The following MACROD2 variants were observed in gnomAD, a reference collection of about 807,000 sequenced individuals.
The protein encoded by MACROD2 is mono-ADP ribosylhydrolase 2.
MACROD2 carries 36 observed loss-of-function variants against 70.4 expected under a neutral mutation model. That is an observed-to-expected ratio of 0.51 (90% confidence interval 0.39 to 0.68). The LOEUF (loss-of-function observed/expected upper bound fraction) is 0.68, where lower values mean the gene tolerates loss of function less well. MACROD2 is among the 30% of genes least tolerant of loss of function. The pLI, the probability that MACROD2 is intolerant of heterozygous loss-of-function variation, is 0.00. For missense variants in MACROD2, 496 were observed against 538.4 expected, an observed-to-expected ratio of 0.92 and a Z score of 0.78; for synonymous variants, 172 against 178.8, an observed-to-expected ratio of 0.96 and a Z score of 0.30.
rs559758333 is a variant in MACROD2, at chr20:14,382,050, A to C, written c.272-111429A>C. ...TTTGTTTTGGTACCACATATACTATAATGGGATTGATTTTTTTTTTTTTTT... is the reference window on the plus strand; with the variant it reads ...TTTGTTTTGGTACCACATATACTATCATGGGATTGATTTTTTTTTTTTTTT... On this transcript the variant is annotated intron_variant, in intron 3 of 17. Transcript: ENST00000684519. Among the ~76,000 whole-genome samples, 4 of 142,634 alleles carry C rather than the reference A, an allele frequency of 2.8e-5. No homozygotes were observed. In the East Asian group the frequency reaches 8.5e-4, roughly 30 times the overall value. 93.6% of individuals were successfully genotyped at this position (142,634 alleles called of 152,430 possible). A position where few individuals can be genotyped will look rare whatever the true frequency, so the allele number is the denominator to read the frequency against.
intron 4 of MACROD2, among the ~76,000 whole-genome samples, chr20:14,497,622 T>A (rs2084869046): frequency 6.6e-6 from 1 of 151,712 alleles, no homozygotes; most frequent in Non-Finnish European, 1.5e-5. Flanking sequence ...TTATGGGATG[T>A]GCTTCCTCCT....
At chr20:14,706,108 G>A (rs2071266574) in intron 5 of MACROD2, among the ~76,000 whole-genome samples, 1 of 152,092 alleles carries the variant, frequency 6.6e-6, no homozygotes, top group Non-Finnish European at 1.5e-5. Context: ...GAGGTCAAGA[G>A]ATCGATACCA....
chr20:14,631,879 GTGT>G (rs1304293720), intron 4 of MACROD2: 8 of 152,218 alleles, frequency 5.3e-5, no homozygotes, highest in African/African-American at 7.2e-5. Context: ...AATCTTTGCT[GTGT>G]TGTTGTAACT....
chr20:15,831,874 C>T (rs994011249), intron 8 of MACROD2, among the ~76,000 whole-genome samples: 1 of 152,068 alleles, frequency 6.6e-6, no homozygotes, highest in Non-Finnish European at 1.5e-5. Context: ...AATCCATCTT[C>T]AGGTGACCTA....
At chr20:14,733,819 G>A (rs2071625962) in intron 5 of MACROD2, among the ~76,000 whole-genome samples, 1 of 152,158 alleles carries the variant, frequency 6.6e-6, no homozygotes. Flanking sequence ...GACCTGTCAA[G>A]CTAAAATAGA....
intron 8 of MACROD2, among the ~76,000 whole-genome samples, chr20:15,603,132 T>C (rs1205292289): frequency 6.6e-6 from 1 of 152,124 alleles, no homozygotes; most frequent in East Asian, 1.9e-4. Context: ...ATATTATCTG[T>C]GGAGCTTCCT....
chr20:14,986,075 T>A (rs1297487632), intron 5 of MACROD2, among the ~76,000 whole-genome samples: 3 of 152,230 alleles, frequency 2.0e-5, no homozygotes, highest in Non-Finnish European at 4.4e-5. Flanking sequence ...TGTTCCTCAG[T>A]GGACACAGAC....
intron 3 of MACROD2, among the ~76,000 whole-genome samples, chr20:14,466,485 T>C (rs1399282504): frequency 2.6e-5 from 4 of 152,140 alleles, no homozygotes; most frequent in Non-Finnish European, 2.9e-5. Context: ...TCAAACTTAT[T>C]CCTTTAGCTC....
chr20:15,841,866 A>G lies in MACROD2; in HGVS notation c.646-20879A>G, dbSNP rs561751576. 7.2e-5 allele frequency among the ~76,000 whole-genome samples: 11 copies of G among 152,228 alleles called. 1 individual carries two copies. The highest frequency in any genetic ancestry group is 2.6e-4 in the African/African-American group (11 of 41,552). ...AGATATCCACCCCTGGAAAATAGAG[A>G]TGCAAAAAATTAAACAAGAGGGTTC... On this transcript the variant is annotated intron_variant, in intron 8 of 17. Coordinates refer to ENST00000684519, the MANE Select transcript of MACROD2 (RefSeq NM_001351661.2).
chr20:15,062,659 T>TCACATATTTACTGAGTGAATAC (rs2123084134), intron 5 of MACROD2, among the ~76,000 whole-genome samples: 1 of 152,330 alleles, frequency 6.6e-6, no homozygotes, highest in East Asian at 1.9e-4. Flanking sequence ...AATCTATTGA[T>TCACATATTTACTGAGTGAATAC]CACATATTTA....
At chr20:14,413,468 G>A (rs1225324361) in intron 3 of MACROD2, among the ~76,000 whole-genome samples, 1 of 151,852 alleles carries the variant, frequency 6.6e-6, no homozygotes, top group African/African-American at 2.4e-5. Flanking sequence ...ATATTTTATG[G>A]ACCCTGTTGA....
rs574650527 is a variant in MACROD2, at chr20:16,023,529, A to T, written c.1154-17672A>T. ...CCTTGGTTTATGGCCCTCTAAAAGC[A>T]GATCTATAGGCCAAATCTTGAGGGC... On this transcript the variant is annotated intron_variant, in intron 15 of 17. Coordinates refer to ENST00000684519, the MANE Select transcript of MACROD2 (RefSeq NM_001351661.2). Among the ~76,000 whole-genome samples, 84 of 151,304 alleles carry T rather than the reference A, an allele frequency of 5.6e-4. 1 individual carries two copies. The highest frequency in any genetic ancestry group is 1.9e-3 in the African/African-American group (77 of 41,214).
intron 4 of MACROD2, among the ~76,000 whole-genome samples, chr20:14,551,808 A>G (rs979928727): frequency 6.6e-6 from 1 of 152,202 alleles, no homozygotes; most frequent in Non-Finnish European, 1.5e-5. Flanking sequence ...TTAACTTTCA[A>G]TTTTGAATGG....
At chr20:15,906,120 T>C (rs548778261) in intron 10 of MACROD2, among the ~76,000 whole-genome samples, 2 of 152,336 alleles carry the variant, frequency 1.3e-5, no homozygotes, top group South Asian at 4.1e-4. Context: ...GGAGACTGGC[T>C]GTAGAATGTG....
chr20:15,091,367 A>C (rs750749642), intron 5 of MACROD2, among the ~76,000 whole-genome samples: 13 of 152,192 alleles, frequency 8.5e-5, no homozygotes, highest in Non-Finnish European at 1.5e-4. Context: ...AAAAAAATGA[A>C]AAATAAAAGT....
rs534110590 is a variant in MACROD2, at chr20:15,659,506, C to T, written c.645+159659C>T. On this transcript the variant is annotated intron_variant, in intron 8 of 17. Transcript: ENST00000684519. ...TGCATCAACCAGAAGTTTTTTGTTGCTTCCCATGTCGTCTTGACCACCTAG... is the reference window on the plus strand; with the variant it reads ...TGCATCAACCAGAAGTTTTTTGTTGTTTCCCATGTCGTCTTGACCACCTAG... Among the ~76,000 whole-genome samples, 86 of 151,898 alleles carry T rather than the reference C, an allele frequency of 5.7e-4. 1 individual carries two copies. In the South Asian group the frequency reaches 0.017, roughly 31 times the overall value.
chr20:14,797,863 C>CTGGA (rs985784129), intron 5 of MACROD2, among the ~76,000 whole-genome samples: 2 of 151,616 alleles, frequency 1.3e-5, no homozygotes, highest in Admixed American at 1.3e-4. Context: ...GCATTTATTG[C>CTGGA]TGGATGAATG....
At chr20:14,401,104 A>C (rs1414481020) in intron 3 of MACROD2, among the ~76,000 whole-genome samples, 1 of 152,176 alleles carries the variant, frequency 6.6e-6, no homozygotes, top group Non-Finnish European at 1.5e-5. Context: ...AAATCAATTA[A>C]TCATTCCATA....
At chr20:15,409,444 A>G (rs983333894) in intron 6 of MACROD2, among the ~76,000 whole-genome samples, 2 of 152,238 alleles carry the variant, frequency 1.3e-5, no homozygotes, top group African/African-American at 4.8e-5. Flanking sequence ...GGAATGCAGA[A>G]AAAAGCAATA....
Sources: allele counts gnomAD v4.1 joint callset (sites outside exome capture counted in the v4.1 genomes callset), GRCh38; gene constraint gnomAD v4.1.1; transcripts MANE v1.5; gene names NCBI Gene and HGNC (gene_info 2026-07-23, HGNC 2026-07-21).